The following NTM variants were observed in gnomAD, a reference collection of about 807,000 sequenced individuals.
NTM encodes IgLON family member 2.
NTM carries 13 observed loss-of-function variants against 42.1 expected under a neutral mutation model. The ratio of observed to expected loss-of-function variants is 0.31; its 90% CI spans 0.20 to 0.49. The LOEUF (loss-of-function observed/expected upper bound fraction) is 0.49, where lower values mean the gene tolerates loss of function less well. Ranked by LOEUF, NTM falls within the 20% of genes least tolerant of loss-of-function variation. The pLI, the probability that NTM is intolerant of heterozygous loss-of-function variation, is 0.99. For synonymous variants in NTM, 187 were observed against 179.2 expected (o/e 1.04, Z -0.35); for missense variants, 373 against 452.8 (o/e 0.82, Z 1.60).
At chr11:131,760,016 C>G (rs2083895277) in intron 1 of NTM, among the ~76,000 whole-genome samples, 1 of 152,128 alleles carries the variant, frequency 6.6e-6, no homozygotes, top group Non-Finnish European at 1.5e-5. Flanking sequence ...TGGATCACAA[C>G]TCACCACTGA....
At chr11:131,903,887 C>A (rs115071776) in intron 1 of NTM, among the ~76,000 whole-genome samples, 1 of 152,214 alleles carries the variant, frequency 6.6e-6, no homozygotes, top group Non-Finnish European at 1.5e-5. Context: ...GTGCATTAAC[C>A]CATTTGAGTG....
At chr11:131,677,803 G>A (rs79841756) in intron 1 of NTM, among the ~76,000 whole-genome samples, 3,106 of 152,244 alleles carry the variant, frequency 0.02, 42 homozygotes, top group Middle Eastern at 0.044. Flanking sequence ...CATTACCAGC[G>A]CCCTGCAGAG....
intron 1 of NTM, among the ~76,000 whole-genome samples, chr11:131,596,313 T>G (rs2059804559): frequency 6.6e-6 from 1 of 152,222 alleles, no homozygotes; most frequent in South Asian, 2.1e-4. Flanking sequence ...CAAATATATT[T>G]AGTAAAGAGT....
intron 2 of NTM, among the ~76,000 whole-genome samples, chr11:131,947,334 T>C (rs553414354): frequency 3.9e-5 from 6 of 152,238 alleles, no homozygotes; most frequent in African/African-American, 1.4e-4. Flanking sequence ...ATCCTCTGCA[T>C]TATGTGTGAG....
rs116831829 is a variant in NTM, at chr11:132,174,796, C to T, written c.400+28282C>T. Among the ~76,000 whole-genome samples, 997 of 152,088 alleles carry T rather than the reference C, an allele frequency of 6.6e-3. 11 individuals are homozygous for T. The highest frequency in any genetic ancestry group is 0.023 in the African/African-American group (948 of 41,478). ...TAAACCACGATCGCCTTGGATTCAA[C>T]GCCTCAGAGTTCATTACTTTTTGAA... On this transcript the variant is annotated intron_variant, in intron 3 of 8. Coordinates refer to ENST00000683400, the MANE Select transcript of NTM (RefSeq NM_001352005.2).
At chr11:131,690,418 G>C (rs2074507754) in intron 1 of NTM, among the ~76,000 whole-genome samples, 1 of 152,158 alleles carries the variant, frequency 6.6e-6, no homozygotes, top group African/African-American at 2.4e-5. Flanking sequence ...GCCCAAGCCA[G>C]CCCAGCGCAC....
chr11:131,661,069 T>A (rs2067980434), intron 1 of NTM: 1 of 1,298,676 alleles, frequency 7.7e-7, no homozygotes, highest in South Asian at 1.2e-5. Context: ...ACTCAATTCT[T>A]CATCTTTTGC....
intron 1 of NTM, among the ~76,000 whole-genome samples, chr11:131,458,773 G>A (rs1348089339): frequency 1.3e-5 from 2 of 152,220 alleles, no homozygotes; most frequent in Non-Finnish European, 2.9e-5. Flanking sequence ...GTCAAATGCT[G>A]GAGCAATGGT....
chr11:131,417,364 C>A (rs1028636408), intron 1 of NTM, among the ~76,000 whole-genome samples: 2 of 152,206 alleles, frequency 1.3e-5, no homozygotes, highest in Admixed American at 6.5e-5. Flanking sequence ...ATGTGGAATG[C>A]TTTCCTGGCT....
intron 1 of NTM, chr11:131,540,781 T>C (rs1469601894): frequency 6.6e-6 from 1 of 152,164 alleles, no homozygotes; most frequent in Non-Finnish European, 1.5e-5. Context: ...CTAAAGCCAG[T>C]TGTGAGAGAA....
chr11:131,725,647 G>C (rs1316998289), intron 1 of NTM, among the ~76,000 whole-genome samples: 1 of 152,216 alleles, frequency 6.6e-6, no homozygotes, highest in East Asian at 1.9e-4. Flanking sequence ...AAGGGACAGT[G>C]AGGGCCACTG....
intron 4 of NTM, among the ~76,000 whole-genome samples, chr11:132,238,127 T>C (rs2139157459): frequency 6.6e-6 from 1 of 152,266 alleles, no homozygotes; most frequent in East Asian, 1.9e-4. Context: ...CTCCACTAAA[T>C]CACTCTTAAC....
intron 2 of NTM, among the ~76,000 whole-genome samples, chr11:132,089,082 T>C (rs1400840957): frequency 3.3e-5 from 5 of 152,186 alleles, no homozygotes; most frequent in Admixed American, 3.3e-4. Flanking sequence ...GGTGAAGCTT[T>C]CCCAGGTGCT....
chr11:131,698,153 G>T (rs1386916201), intron 1 of NTM, among the ~76,000 whole-genome samples: 2 of 152,070 alleles, frequency 1.3e-5, no homozygotes, highest in East Asian at 3.9e-4. Flanking sequence ...AACTTTTAGA[G>T]GCTCTCTAAG....
At chr11:131,584,792 G>C (rs10894414) in intron 1 of NTM, among the ~76,000 whole-genome samples, 49,104 of 152,078 alleles carry the variant, frequency 0.32, 9,261 homozygotes, top group East Asian at 0.49. Context: ...TCTCTGGTTC[G>C]CCGAGAGGCC....
intron 1 of NTM, among the ~76,000 whole-genome samples, chr11:131,670,281 A>T (rs764824456): frequency 6.6e-6 from 1 of 152,086 alleles, no homozygotes; most frequent in Non-Finnish European, 1.5e-5. Flanking sequence ...AAAATGAACC[A>T]AAGAAGGAAA....
intron 2 of NTM, among the ~76,000 whole-genome samples, chr11:132,119,413 G>A (rs1479047384): frequency 2.6e-5 from 4 of 152,160 alleles, no homozygotes; most frequent in Admixed American, 1.3e-4. Context: ...GAGTGGAGCT[G>A]GGGTCGCAGC....
intron 2 of NTM, among the ~76,000 whole-genome samples, chr11:131,925,415 C>T (rs374046231): frequency 1.9e-4 from 25 of 129,530 alleles, no homozygotes; most frequent in African/African-American, 2.7e-4. Context: ...AACAGGGTCT[C>T]GCTCTGTCAC....
At chr11:131,516,754 A>G (rs2048943727) in intron 1 of NTM, among the ~76,000 whole-genome samples, 1 of 152,212 alleles carries the variant, frequency 6.6e-6, no homozygotes, top group Non-Finnish European at 1.5e-5. Flanking sequence ...GAGGACTGGA[A>G]AAGCATAAAA....
Sources: allele counts gnomAD v4.1 joint callset (sites outside exome capture counted in the v4.1 genomes callset), GRCh38; gene constraint gnomAD v4.1.1; transcripts MANE v1.5; gene names NCBI Gene and HGNC (gene_info 2026-07-23, HGNC 2026-07-21).